The following STON1 variants were observed in gnomAD, a reference collection of about 807,000 sequenced individuals.
STON1 encodes stonin-1.
Under a neutral mutation model 60.9 loss-of-function variants are expected in STON1, and 79 were observed. That is an observed-to-expected ratio of 1.30 (90% CI 1.08 to 1.56). The LOEUF is 1.56. Among genes scored for constraint, STON1 ranks in the 40% most tolerant of loss-of-function variants. The pLI, the probability that STON1 is intolerant of heterozygous loss-of-function variation, is 0.00. For missense variants in STON1, 1,166 were observed against 858.9 expected, an observed-to-expected ratio of 1.36 and a Z score of -4.47; for synonymous variants, 363 against 306.9, an observed-to-expected ratio of 1.18 and a Z score of -1.91.
At chr2:48,552,000 T>C (rs1672126465) in intron 1 of STON1, among the ~76,000 whole-genome samples, 2 of 152,340 alleles carry the variant, frequency 1.3e-5, no homozygotes, top group South Asian at 4.1e-4. Context: ...CTCCAGGTCC[T>C]GACATCTGCC....
At chr2:48,538,027 C>T (rs1299623194) in intron 1 of STON1, among the ~76,000 whole-genome samples, 1 of 151,334 alleles carries the variant, frequency 6.6e-6, no homozygotes, top group Non-Finnish European at 1.5e-5. Flanking sequence ...GATCTTGGCT[C>T]ACTGCAACCT....
chr2:48,558,791 C>G (rs933384926), intron 1 of STON1, among the ~76,000 whole-genome samples: 1 of 152,198 alleles, frequency 6.6e-6, no homozygotes, highest in African/African-American at 2.4e-5. Context: ...TTTGATACTG[C>G]TCATTCCTAA....
rs746236594 is a variant in STON1, at chr2:48,582,473, G to A, written c.1840G>A (p.Val614Ile). 1.9e-5 allele frequency: 30 copies of A among 1,614,124 alleles called. No individual in the cohort carries two copies. In the South Asian group the frequency reaches 2.9e-4, roughly 15 times the overall value. ...TTTACAGGAACTTGAATCTGAACCT[G>A]TCATTCAAGTCACTGTGGGGTCAGC... ...GSLQELESEP[V>I]IQVTVGSAKY... The change falls in exon 2 of 4, where the codon GTC becomes ATC. Residue 614 changes from valine to isoleucine, a missense_variant. By Grantham distance (29) the Val-to-Ile change is conservative. Coordinates refer to ENST00000404752, the MANE Select transcript of STON1 (RefSeq NM_006873.4).
intron 1 of STON1, among the ~76,000 whole-genome samples, chr2:48,559,238 T>G (rs1672510051): frequency 6.6e-6 from 1 of 152,192 alleles, no homozygotes; most frequent in Non-Finnish European, 1.5e-5. Flanking sequence ...ATAACTGTCT[T>G]ACTCCCTTGA....
chr2:48,585,979 G>T (rs3792238), intron 2 of STON1, among the ~76,000 whole-genome samples: 2 of 152,250 alleles, frequency 1.3e-5, no homozygotes, highest in African/African-American at 2.4e-5. Context: ...CACGTGGTGT[G>T]AGAGGGACAA....
At chr2:48,586,483 G>C (rs78125492) in intron 2 of STON1, among the ~76,000 whole-genome samples, 3,089 of 152,268 alleles carry the variant, frequency 0.02, 108 homozygotes, top group African/African-American at 0.068. Flanking sequence ...GATCCCAGAG[G>C]AAAGGGTAAT....
At chr2:48,580,471 C>A in intron 1 of STON1, 116 bp from the exon 2 acceptor site, 1 of 1,087,382 alleles carries the variant, frequency 9.2e-7, no homozygotes. Context: ...TTTTAATCCA[C>A]TTAGCCACCA....
intron 1 of STON1, among the ~76,000 whole-genome samples, chr2:48,550,325 C>T (rs888668616): frequency 6.6e-6 from 1 of 151,716 alleles, no homozygotes; most frequent in Admixed American, 6.6e-5. Context: ...TGGTGAAACC[C>T]TCTCTCTGCT....
At position 48,564,591 on chromosome 2, in the gene STON1, C is replaced by T. The variant is rs1176767315; in HGVS notation, c.-47-15996C>T. Among the ~76,000 whole-genome samples, 25 of 67,216 alleles carry T rather than the reference C, an allele frequency of 3.7e-4. 4 individuals are homozygous for T. Among genetic ancestry groups the T allele is most frequent in the Admixed American group, 7.1e-4 (5 of 7,060 alleles). 44.1% of individuals were successfully genotyped at this position (67,216 alleles called of 152,430 possible). On this transcript the variant is annotated intron_variant, in intron 1 of 3. Transcript: ENST00000404752. ...TCTCCTTCTCCTTCTCCTCCTCCTC[C>T]TCCTCCTCCTCCTTCTCCTTCTCCT...
chr2:48,575,800 C>T (rs1485788928), intron 1 of STON1, among the ~76,000 whole-genome samples: 6 of 139,572 alleles, frequency 4.3e-5, no homozygotes, highest in Non-Finnish European at 7.6e-5. Context: ...CTCTTGTTGC[C>T]CAGGCTGGAG....
At chr2:48,559,427 C>G (rs76338522) in intron 1 of STON1, among the ~76,000 whole-genome samples, 1 of 152,138 alleles carries the variant, frequency 6.6e-6, no homozygotes, top group African/African-American at 2.4e-5. Context: ...AAGGGACAAA[C>G]AAGCTCTCTG....
chr2:48,536,553 A>G (rs1671438947), intron 1 of STON1, among the ~76,000 whole-genome samples: 1 of 114,830 alleles, frequency 8.7e-6, no homozygotes, highest in African/African-American at 2.6e-5. Flanking sequence ...ATCTTAAAAA[A>G]AAAAAAAAAA....
Position 48,581,440 on chromosome 2 carries a change from G to GA in STON1, c.808dup (p.Ser270LysfsTer15), listed in dbSNP as rs748223039. The GA allele has an allele frequency of 3.7e-6, 6 of 1,614,156 alleles. No individual in the cohort carries two copies. The highest frequency in any genetic ancestry group is 5.1e-6 in the Non-Finnish European group (6 of 1,180,010). ...CCTTTGTCCCCCACACACTCTTCAG[G>GA]AGTCAGCCAAAATCCGGATGGTCTT... On this transcript the variant is annotated frameshift_variant, in exon 2 of 4. Transcript: ENST00000404752. LOFTEE classifies it high-confidence loss of function.
At chr2:48,531,109 C>T (rs891921813) in intron 1 of STON1, 1 of 152,206 alleles carries the variant, frequency 6.6e-6, no homozygotes, top group Non-Finnish European at 1.5e-5. Flanking sequence ...TCAGTCCACA[C>T]TCGACTGTTT....
chr2:48,542,196 A>G (rs146580359), intron 1 of STON1, among the ~76,000 whole-genome samples: 7 of 152,360 alleles, frequency 4.6e-5, no homozygotes, highest in East Asian at 1.9e-4. Context: ...ATGTTGATCC[A>G]TATCAGTGGA....
intron 2 of STON1, among the ~76,000 whole-genome samples, chr2:48,589,146 G>C (rs779386974): frequency 6.6e-6 from 1 of 151,706 alleles, no homozygotes; most frequent in Non-Finnish European, 1.5e-5. Flanking sequence ...TTTTTCTTCT[G>C]CCCTGTCATC....
At chr2:48,585,942 A>T (rs559859014) in intron 2 of STON1, among the ~76,000 whole-genome samples, 3 of 152,384 alleles carry the variant, frequency 2.0e-5, no homozygotes, top group African/African-American at 7.2e-5. Flanking sequence ...AGAGAGAAGC[A>T]CAATAGGCTC....
At chr2:48,584,001 G>A (rs549566652) in intron 2 of STON1, among the ~76,000 whole-genome samples, 9 of 151,954 alleles carry the variant, frequency 5.9e-5, no homozygotes, top group African/African-American at 1.9e-4. Flanking sequence ...CTCCCACCTC[G>A]GCCTCCCATA....
intron 2 of STON1, 45 bp downstream of exon 2, chr2:48,582,608 A>G: frequency 6.4e-7 from 1 of 1,571,024 alleles, no homozygotes; most frequent in South Asian, 1.2e-5. Context: ...GAAATAGCTT[A>G]AATATTCTTA....
Sources: allele counts gnomAD v4.1 joint callset (sites outside exome capture counted in the v4.1 genomes callset), GRCh38; gene constraint gnomAD v4.1.1; transcripts MANE v1.5; gene names NCBI Gene and HGNC (gene_info 2026-07-23, HGNC 2026-07-21).